Variants in UBE2N observed in about 807,000 individuals in gnomAD.
The protein encoded by UBE2N is ubiquitin-conjugating enzyme E2 N.
For missense variants in UBE2N, 60 were observed against 192.1 expected, an observed-to-expected ratio of 0.31 and a Z score of 4.07; for synonymous variants, 70 against 69.2, an observed-to-expected ratio of 1.01 and a Z score of -0.06.
chr12:93,431,812 A>G (rs1235956661), intron 1 of UBE2N, among the ~76,000 whole-genome samples: 1 of 152,202 alleles, frequency 6.6e-6, no homozygotes, highest in African/African-American at 2.4e-5. Flanking sequence ...ATCACATACT[A>G]TATTTCTAGA....
At position 93,437,361 on chromosome 12, in the gene UBE2N, A is replaced by T. The variant is rs559482619; in HGVS notation, c.30+4494T>A. Among the ~76,000 whole-genome samples the T allele has an allele frequency of 2.0e-3, 276 of 137,252 alleles. 2 individuals are homozygous for T. The highest frequency in any genetic ancestry group is 7.2e-3 in the African/African-American group (268 of 36,974). 90.0% of individuals were successfully genotyped at this position (137,252 alleles called of 152,430 possible). On this transcript the variant is annotated intron_variant, in intron 1 of 3. Coordinates refer to ENST00000318066, the MANE Select transcript of UBE2N (RefSeq NM_003348.4). ...GCAACAAAGCAGCAGTCTGTCTCTT[A>T]AAAAAAAAAAAAAGTCAACTTGAAG...
At chr12:93,438,661 A>G (rs1259552449) in intron 1 of UBE2N, among the ~76,000 whole-genome samples, 3 of 152,162 alleles carry the variant, frequency 2.0e-5, no homozygotes, top group African/African-American at 7.2e-5. Flanking sequence ...CTATATTTTA[A>G]GAAGATAACA....
chr12:93,414,490 G>T (rs1024194820), intron 1 of UBE2N, among the ~76,000 whole-genome samples: 2 of 150,706 alleles, frequency 1.3e-5, no homozygotes, highest in Non-Finnish European at 2.9e-5. Flanking sequence ...CCTTGTAATG[G>T]GCCCCCAAAA....
intron 1 of UBE2N, among the ~76,000 whole-genome samples, chr12:93,416,854 T>C (rs1386230176): frequency 1.6e-5 from 1 of 63,676 alleles, no homozygotes; most frequent in Non-Finnish European, 3.1e-5. Flanking sequence ...ACCCCATCAC[T>C]ACCAAAAAAA....
intron 3 of UBE2N, 113 bp from the exon 4 acceptor site, chr12:93,410,192 T>A (rs1223852529): frequency 9.4e-7 from 1 of 1,066,908 alleles, no homozygotes; most frequent in African/African-American, 1.6e-5. Context: ...TGCTGTAATC[T>A]GTTAAATTCA....
intron 1 of UBE2N, among the ~76,000 whole-genome samples, chr12:93,426,390 C>CAAA (rs57644203): frequency 1.3e-3 from 131 of 101,186 alleles, no homozygotes; most frequent in African/African-American, 4.8e-3. Context: ...AAACTGCATC[C>CAAA]AAAAAAAAAA....
Position 93,408,235 on chromosome 12 carries a change from T to G in UBE2N, c.*1804A>C, listed in dbSNP as rs961020349. On this transcript the variant is annotated 3_prime_UTR_variant, in exon 4 of 4. Transcript: ENST00000318066. ...TAAACAGCCCAAGAATTGTTATAAA[T>G]GACAGCTGCTATCAGTTTTCAAATT... The G allele has an allele frequency of 7.9e-5, 12 of 152,242 alleles. No individual in the cohort carries two copies. Among genetic ancestry groups the G allele is most frequent in the African/African-American group, 2.9e-4 (12 of 41,470 alleles). 9.4% of individuals were successfully genotyped at this position (152,242 alleles called of 1,614,324 possible). A position where few individuals can be genotyped will look rare whatever the true frequency, so the allele number is the denominator to read the frequency against.
chr12:93,428,980 A>G (rs1021989703), intron 1 of UBE2N, among the ~76,000 whole-genome samples: 9 of 152,268 alleles, frequency 5.9e-5, no homozygotes, highest in African/African-American at 1.9e-4. Context: ...ACTTTATTTG[A>G]AAAAGTGTAG....
chr12:93,429,766 T>C (rs534897456), intron 1 of UBE2N, among the ~76,000 whole-genome samples: 1 of 152,148 alleles, frequency 6.6e-6, no homozygotes, highest in East Asian at 1.9e-4. Flanking sequence ...GTCTTAGTTT[T>C]TCACAAAAAA....
intron 1 of UBE2N, among the ~76,000 whole-genome samples, chr12:93,437,788 CAACA>C (rs143243536): frequency 1.2e-4 from 18 of 152,180 alleles, no homozygotes; most frequent in South Asian, 4.1e-4. Context: ...GACTCCGTCT[CAACA>C]AACAAACAAA....
At chr12:93,427,820 C>T (rs913112303) in intron 1 of UBE2N, among the ~76,000 whole-genome samples, 3 of 151,908 alleles carry the variant, frequency 2.0e-5, no homozygotes, top group Non-Finnish European at 2.9e-5. Context: ...GGAATCTTAC[C>T]GATGAATTAG....
chr12:93,436,035 A>C (rs1878924766), intron 1 of UBE2N, among the ~76,000 whole-genome samples: 2 of 152,202 alleles, frequency 1.3e-5, no homozygotes, highest in South Asian at 4.1e-4. Context: ...GGTTTTAATC[A>C]AATAAGTCAA....
chr12:93,415,210 C>A (rs1282533799), intron 1 of UBE2N, among the ~76,000 whole-genome samples: 2 of 152,082 alleles, frequency 1.3e-5, no homozygotes, highest in African/African-American at 4.8e-5. Context: ...ACACTGCCTT[C>A]ACCTAAAAAA....
rs78121353 is a variant in UBE2N at position 93,415,203 on chromosome 12, C to T, written c.31-3904G>A. On this transcript the variant is annotated intron_variant, in intron 1 of 3. Coordinates refer to ENST00000318066, the MANE Select transcript of UBE2N (RefSeq NM_003348.4). ...AATAAATGAGAACATTTTATTTACA[C>T]TGCCTTCACCTAAAAAAAAATACAT... 4.1e-3 allele frequency among the ~76,000 whole-genome samples: 623 copies of T among 152,292 alleles called. 4 individuals are homozygous for T. The highest frequency in any genetic ancestry group is 0.014 in the African/African-American group (601 of 41,562).
chr12:93,431,580 G>A (rs1354881917), intron 1 of UBE2N, among the ~76,000 whole-genome samples: 1 of 152,138 alleles, frequency 6.6e-6, no homozygotes, highest in Non-Finnish European at 1.5e-5. Context: ...CCTGGTACAC[G>A]ATGCCAATGA....
At chr12:93,420,987 A>T (rs1878389645) in intron 1 of UBE2N, among the ~76,000 whole-genome samples, 1 of 152,164 alleles carries the variant, frequency 6.6e-6, no homozygotes. Context: ...AATAAAAGAA[A>T]ATCTCGGGTA....
chr12:93,426,949 T>C (rs1009987174), intron 1 of UBE2N, among the ~76,000 whole-genome samples: 4 of 152,178 alleles, frequency 2.6e-5, no homozygotes, highest in African/African-American at 9.7e-5. Flanking sequence ...CTTTTTTTTT[T>C]TCTTTTGTCG....
At chr12:93,440,054 T>C (rs1879053468) in intron 1 of UBE2N, among the ~76,000 whole-genome samples, 1 of 152,252 alleles carries the variant, frequency 6.6e-6, no homozygotes, top group African/African-American at 2.4e-5. Flanking sequence ...TTCATATTAC[T>C]GGGCATATCT....
intron 1 of UBE2N, among the ~76,000 whole-genome samples, chr12:93,421,668 T>C (rs1421262469): frequency 6.6e-6 from 1 of 152,034 alleles, no homozygotes; most frequent in Non-Finnish European, 1.5e-5. Context: ...ACCAGAAAAG[T>C]ATAGTCTTAT....
Sources: allele counts gnomAD v4.1 joint callset (sites outside exome capture counted in the v4.1 genomes callset), GRCh38; gene constraint gnomAD v4.1.1; transcripts MANE v1.5; gene names NCBI Gene and HGNC (gene_info 2026-07-23, HGNC 2026-07-21).